The following ATF7IP variants were observed in gnomAD, a reference collection of about 807,000 sequenced individuals.
ATF7IP encodes activating transcription factor 7 interacting protein, also known as activating transcription factor 7-interacting protein 1.
In ATF7IP, 23 loss-of-function variants were observed where a neutral mutation model predicts 106.4. That is an observed-to-expected ratio of 0.22 (90% confidence interval 0.16 to 0.31). ATF7IP has a LOEUF of 0.31. Ranked by LOEUF, ATF7IP falls within the 10% of genes least tolerant of loss-of-function variation. ATF7IP has a pLI of 1.00. For synonymous variants in ATF7IP, 542 were observed against 539.0 expected (o/e 1.01, Z -0.08); for missense variants, 1,334 against 1,524.3 (o/e 0.88, Z 2.08).
intron 5 of ATF7IP, among the ~76,000 whole-genome samples, chr12:14,444,568 T>A (rs766822747): frequency 3.3e-5 from 5 of 152,170 alleles, no homozygotes; most frequent in Non-Finnish European, 7.4e-5. Flanking sequence ...ATAGCCATTC[T>A]TAGACACAGT....
At position 14,494,333 on chromosome 12, in the gene ATF7IP, A is replaced by ATGTGTGTGTG. The variant is rs1210425478; in HGVS notation, c.3281-1896_3281-1887dup. Among the ~76,000 whole-genome samples the ATGTGTGTGTG allele has an allele frequency of 2.7e-3, 231 of 85,968 alleles. 4 individuals are homozygous for ATGTGTGTGTG. Among genetic ancestry groups the ATGTGTGTGTG allele is most frequent in the African/African-American group, 8.4e-3 (185 of 22,036 alleles). The allele number at this position is 85,968 out of a possible 152,430, so 56.4% of individuals were successfully genotyped here. A position where few individuals can be genotyped will look rare whatever the true frequency, so the allele number is the denominator to read the frequency against. ...TATATATATATATATATATATATATATGTGTGTGTGTATATGTATATATAC... is the reference window on the plus strand; with the variant it reads ...TATATATATATATATATATATATATATGTGTGTGTGTGTGTGTGTGTATATGTATATATAC... On this transcript the variant is annotated intron_variant, in intron 13 of 14. Coordinates refer to ENST00000261168, the MANE Select transcript of ATF7IP (RefSeq NM_018179.5).
At chr12:14,382,863 T>C (rs1028879337) in intron 1 of ATF7IP, among the ~76,000 whole-genome samples, 3 of 152,126 alleles carry the variant, frequency 2.0e-5, no homozygotes, top group African/African-American at 4.8e-5. Flanking sequence ...AGAGTAATGA[T>C]ACCTGGTTTG....
intron 1 of ATF7IP, among the ~76,000 whole-genome samples, chr12:14,402,127 C>CTTTTTTTTTTTTTTTTT (rs11297116): frequency 2.9e-5 from 3 of 101,866 alleles, no homozygotes; most frequent in Admixed American, 1.2e-4. Flanking sequence ...TTTCTTCTTT[C>CTTTTTTTTTTTTTTTTT]TTTTTTTTTT....
At chr12:14,423,574 C>CTTTTTTTTTTTTTTTTTT in intron 1 of ATF7IP, among the ~76,000 whole-genome samples, 4 of 34,390 alleles carry the variant, frequency 1.2e-4, no homozygotes, top group African/African-American at 3.0e-4. Context: ...TCTTCAGGTA[C>CTTTTTTTTTTTTTTTTTT]TTTTTTTTTT....
At chr12:14,394,526 G>C (rs1036048661) in intron 1 of ATF7IP, among the ~76,000 whole-genome samples, 1 of 152,170 alleles carries the variant, frequency 6.6e-6, no homozygotes, top group African/African-American at 2.4e-5. Context: ...GGTTTACTCA[G>C]CAGTACTCTC....
intron 1 of ATF7IP, among the ~76,000 whole-genome samples, chr12:14,423,574 CTTTTTTTT>C: frequency 2.9e-5 from 1 of 34,428 alleles, no homozygotes; most frequent in Admixed American, 3.7e-4. Flanking sequence ...TCTTCAGGTA[CTTTTTTTT>C]TTTTTTTTTT....
chr12:14,419,318 T>TG (rs952522502), intron 1 of ATF7IP: 42 of 152,330 alleles, frequency 2.8e-4, no homozygotes, highest in Middle Eastern at 6.8e-3. Context: ...TTAATTGGGT[T>TG]ATTAAAAGTG....
chr12:14,374,943 C>T (rs1938673922), intron 1 of ATF7IP, among the ~76,000 whole-genome samples: 2 of 151,744 alleles, frequency 1.3e-5, no homozygotes, highest in Non-Finnish European at 2.9e-5. Flanking sequence ...TTATAAGTTT[C>T]CTGGGGTTAG....
At chr12:14,496,811 A>T (rs1305827800) in intron 14 of ATF7IP, among the ~76,000 whole-genome samples, 1 of 152,376 alleles carries the variant, frequency 6.6e-6, no homozygotes, top group East Asian at 1.9e-4. Context: ...TTTAGCCTCC[A>T]AAACAATGTC....
chr12:14,390,260 TTAGAATATA>T (rs1939472474), intron 1 of ATF7IP, among the ~76,000 whole-genome samples: 1 of 152,212 alleles, frequency 6.6e-6, no homozygotes. Flanking sequence ...TAGGAGAGAC[TTAGAATATA>T]TAAAGTCAGT....
intron 5 of ATF7IP, among the ~76,000 whole-genome samples, chr12:14,440,567 C>A (rs572539993): frequency 6.6e-6 from 1 of 152,296 alleles, no homozygotes; most frequent in African/African-American, 2.4e-5. Flanking sequence ...TGATCATGTG[C>A]CCAATTTAAT....
chr12:14,395,116 A>G (rs140370734), intron 1 of ATF7IP: 22 of 152,152 alleles, frequency 1.4e-4, no homozygotes, highest in African/African-American at 4.6e-4. Context: ...TTTAATGAAT[A>G]TGAATCAAAC....
At chr12:14,466,767 T>G (rs1036494517) in intron 10 of ATF7IP, among the ~76,000 whole-genome samples, 177 bp downstream of exon 10, 5 of 152,152 alleles carry the variant, frequency 3.3e-5, no homozygotes, top group Non-Finnish European at 7.4e-5. Context: ...TTGTGTTTTG[T>G]CTTGTTTTGT....
At chr12:14,383,684 C>G (rs759812322) in intron 1 of ATF7IP, among the ~76,000 whole-genome samples, 8 of 152,076 alleles carry the variant, frequency 5.3e-5, no homozygotes, top group African/African-American at 1.9e-4. Flanking sequence ...TCTTGAGTAG[C>G]TGGAACTACA....
chr12:14,429,749 A>G (rs1026750536), intron 2 of ATF7IP, among the ~76,000 whole-genome samples: 1 of 152,162 alleles, frequency 6.6e-6, no homozygotes, highest in Admixed American at 6.5e-5. Flanking sequence ...TATCATCTCA[A>G]TCCATTTATA....
At chr12:14,416,830 A>T in intron 1 of ATF7IP, 1 of 845,396 alleles carries the variant, frequency 1.2e-6, no homozygotes, top group Non-Finnish European at 1.4e-6. Context: ...CTTTGAGCCA[A>T]TCAGACAGTG....
intron 13 of ATF7IP, among the ~76,000 whole-genome samples, chr12:14,484,593 C>T (rs892500499): frequency 1.3e-5 from 2 of 152,208 alleles, no homozygotes; most frequent in African/African-American, 4.8e-5. Context: ...CAGCTGTGCA[C>T]TTTACAGTGG....
At chr12:14,433,310 T>A (rs1591848466) in intron 2 of ATF7IP, among the ~76,000 whole-genome samples, 1 of 152,050 alleles carries the variant, frequency 6.6e-6, no homozygotes, top group African/African-American at 2.4e-5. Flanking sequence ...ATGAAGATCA[T>A]CCTGGCCAAC....
intron 10 of ATF7IP, among the ~76,000 whole-genome samples, chr12:14,469,743 G>A (rs1373421325): frequency 2.0e-5 from 3 of 152,102 alleles, no homozygotes; most frequent in Non-Finnish European, 4.4e-5. Context: ...ATTATGATTT[G>A]TCACAGCAAA....
Sources: gnomAD v4.1 joint callset for allele counts (sites outside exome capture counted in the v4.1 genomes callset) on GRCh38, gnomAD v4.1.1 for gene constraint, MANE v1.5 for transcripts, NCBI Gene and HGNC (gene_info 2026-07-23, HGNC 2026-07-21) for gene names.